The following KIF5C variants were observed in gnomAD, a reference collection of about 807,000 sequenced individuals.
KIF5C encodes the protein kinesin family member 5C, also known as kinesin heavy chain isoform 5C.
A neutral mutation model predicts 125.2 loss-of-function variants in KIF5C; 18 were observed. The ratio of observed to expected loss-of-function variants is 0.14; its 90% CI spans 0.10 to 0.21. The LOEUF (loss-of-function observed/expected upper bound fraction) is 0.21, where lower values mean the gene tolerates loss of function less well. KIF5C is among the 10% of genes least tolerant of loss of function. KIF5C has a pLI of 1.00. For synonymous variants in KIF5C, 405 were observed against 434.0 expected, an observed-to-expected ratio of 0.93 and a Z score of 0.83; for missense variants, 780 against 1,183.8, an observed-to-expected ratio of 0.66 and a Z score of 5.01.
At chr2:148,941,798 CT>C in intron 5 of KIF5C, 136 bp from the exon 6 acceptor site, 1 of 1,448,522 alleles carries the variant, frequency 6.9e-7, no homozygotes, top group Non-Finnish European at 9.2e-7. Flanking sequence ...TATGTTTATT[CT>C]CAGCCAAGGC....
chr2:148,970,462 C>T (rs7564570), intron 11 of KIF5C, among the ~76,000 whole-genome samples: 26,273 of 152,118 alleles, frequency 0.17, 3,749 homozygotes, highest in African/African-American at 0.39. Context: ...TTTCTTCTCC[C>T]TTACAGAAAG....
chr2:148,996,823 G>A (rs776534928), intron 17 of KIF5C, among the ~76,000 whole-genome samples: 1 of 152,102 alleles, frequency 6.6e-6, no homozygotes, highest in Non-Finnish European at 1.5e-5. Flanking sequence ...GGTAAATTAG[G>A]TCTTCCTAGA....
At chr2:149,011,444 G>A in intron 24 of KIF5C, 126 bp from the exon 25 acceptor site, 11 of 1,310,918 alleles carry the variant, frequency 8.4e-6, no homozygotes, top group Non-Finnish European at 1.1e-5. Flanking sequence ...TCTGGTGGTT[G>A]ATAAGAATTG....
At chr2:148,919,628 G>A in intron 1 of KIF5C, among the ~76,000 whole-genome samples, 1 of 152,298 alleles carries the variant, frequency 6.6e-6, no homozygotes, top group Non-Finnish European at 1.5e-5. Flanking sequence ...GCAGCAAAGA[G>A]TAATTAGTGA....
rs530401620 is a variant in KIF5C, at chr2:148,913,165, G to A, written c.127-8972G>A. 3.3e-5 allele frequency among the ~76,000 whole-genome samples: 5 copies of A among 152,302 alleles called. No homozygotes were observed. The South Asian group carries it at 6.2e-4, about 19-fold the overall frequency. ...TGCACTCTAGGTTATATGGCATCAT[G>A]TTCTAAACCCAAATGTGTGGAATTC... On this transcript the variant is annotated intron_variant, in intron 1 of 25. Coordinates refer to ENST00000435030, the MANE Select transcript of KIF5C (RefSeq NM_004522.3).
At chr2:149,016,380 G>T (rs1442623857) in intron 25 of KIF5C, among the ~76,000 whole-genome samples, 2 of 152,162 alleles carry the variant, frequency 1.3e-5, no homozygotes, top group African/African-American at 2.4e-5. Flanking sequence ...CGTCACTGTA[G>T]GTGGCCATGG....
In KIF5C at chr2:148,903,433, C is replaced by G. The variant is rs115293629; in HGVS notation, c.127-18704C>G. On this transcript the variant is annotated intron_variant, in intron 1 of 25. Transcript: ENST00000435030. ...ACGCCTTTGCTTTATAGTTTTAGCT[C>G]CATGTGGCAGACATTGGAGACACCC... Among the ~76,000 whole-genome samples the G allele has an allele frequency of 1.6e-3, 247 of 152,296 alleles. 1 individual carries two copies. The highest frequency in any genetic ancestry group is 5.7e-3 in the African/African-American group (239 of 41,566).
chr2:148,933,551 T>C (rs1378568465), intron 3 of KIF5C, among the ~76,000 whole-genome samples: 1 of 129,086 alleles, frequency 7.7e-6, no homozygotes, highest in African/African-American at 3.1e-5. Flanking sequence ...CCCACATACA[T>C]TGTACATGCA....
At position 149,015,920 on chromosome 2, in the gene KIF5C, G is replaced by C. The variant is rs573876199; in HGVS notation, c.*7+4237G>C. ...TTAGGGGAAGATGGACAGAAAATAA[G>C]GTAACTTCAAGTAGTGGTAAGTGCT... On this transcript the variant is annotated intron_variant, in intron 25 of 25. Coordinates refer to ENST00000435030, the MANE Select transcript of KIF5C (RefSeq NM_004522.3). Among the ~76,000 whole-genome samples the C allele has an allele frequency of 1.1e-3, 164 of 152,266 alleles. 2 individuals carry two copies. The highest frequency in any genetic ancestry group is 3.6e-3 in the African/African-American group (148 of 41,554).
intron 11 of KIF5C, among the ~76,000 whole-genome samples, chr2:148,965,287 A>G (rs1348914065): frequency 1.3e-5 from 2 of 152,046 alleles, no homozygotes; most frequent in East Asian, 3.9e-4. Context: ...AGGCATAGGT[A>G]GGTGTGAGGG....
Position 148,914,256 on chromosome 2 carries a change from T to G in KIF5C, c.127-7881T>G, listed in dbSNP as rs142603831. On this transcript the variant is annotated intron_variant, in intron 1 of 25. Coordinates refer to ENST00000435030, the MANE Select transcript of KIF5C (RefSeq NM_004522.3). ...CACAGCAATCAAAGGCGAAAGAGCT[T>G]GGGGGTGGGAGAGAAAGGAGTTCAC... is the stretch of plus-strand genomic sequence containing the variant. Among the ~76,000 whole-genome samples, 44 of 152,226 alleles carry G rather than the reference T, an allele frequency of 2.9e-4. No homozygotes were observed. The Middle Eastern group carries it at 0.017, about 59-fold the overall frequency.
chr2:148,977,558 G>C (rs1681110648), intron 12 of KIF5C, among the ~76,000 whole-genome samples: 1 of 152,208 alleles, frequency 6.6e-6, no homozygotes, highest in African/African-American at 2.4e-5. Context: ...TCTAGTTGTA[G>C]AAGTGCCAGT....
chr2:148,875,799 C>T, intron 1 of KIF5C, 56 bp downstream of exon 1: 1 of 1,558,010 alleles, frequency 6.4e-7, no homozygotes, highest in Admixed American at 1.9e-5. Context: ...CTGGGCGCCC[C>T]GACGCCCCAG....
At chr2:149,014,306 G>A (rs1280775725) in intron 25 of KIF5C, among the ~76,000 whole-genome samples, 3 of 152,128 alleles carry the variant, frequency 2.0e-5, no homozygotes, top group Admixed American at 6.5e-5. Flanking sequence ...GATTACAAGC[G>A]TGAGCTACTG....
At chr2:149,004,829 A>C (rs1208668415) in intron 21 of KIF5C, among the ~76,000 whole-genome samples, 1 of 152,186 alleles carries the variant, frequency 6.6e-6, no homozygotes, top group Non-Finnish European at 1.5e-5. Flanking sequence ...AGGCACAGAA[A>C]GGTTAGATAA....
intron 7 of KIF5C, among the ~76,000 whole-genome samples, chr2:148,943,493 G>GA (rs904880901): frequency 2.0e-5 from 3 of 152,048 alleles, no homozygotes; most frequent in Non-Finnish European, 4.4e-5. Context: ...TTGCATGAGG[G>GA]AAAAAAATCT....
At chr2:148,918,216 T>G (rs73007598) in intron 1 of KIF5C, among the ~76,000 whole-genome samples, 2,851 of 152,338 alleles carry the variant, frequency 0.019, 94 homozygotes, top group African/African-American at 0.065. Flanking sequence ...TCCTATGTAA[T>G]TAGCACTGTT....
chr2:148,937,277 C>T lies in KIF5C; in HGVS notation c.292-7C>T, dbSNP rs939540594. 18 of 1,581,862 alleles carry T rather than the reference C, an allele frequency of 1.1e-5. No individual in the cohort carries two copies. Among genetic ancestry groups the T allele is most frequent in the Non-Finnish European group, 1.5e-5 (18 of 1,162,736 alleles). On this transcript the variant is annotated splice_region_variant and splice_polypyrimidine_tract_variant and intron_variant, in intron 3 of 25. Transcript: ENST00000435030. ...TAACTGCCCGTGTTTGTATTTTCGC[C>T]CACTAGGGGAAGCTGCATGACCCCC...
chr2:148,994,227 C>G (rs1464563894), intron 16 of KIF5C, among the ~76,000 whole-genome samples, 194 bp from the exon 17 acceptor site: 1 of 152,090 alleles, frequency 6.6e-6, no homozygotes, highest in Non-Finnish European at 1.5e-5. Context: ...CCGAGAAGCA[C>G]AGGGAGAAGC....
Sources: gnomAD v4.1 joint callset for allele counts (sites outside exome capture counted in the v4.1 genomes callset) on GRCh38, gnomAD v4.1.1 for gene constraint, MANE v1.5 for transcripts, NCBI Gene and HGNC (gene_info 2026-07-23, HGNC 2026-07-21) for gene names.